The following SLC22A7 variants were observed in gnomAD, a reference collection of about 807,000 sequenced individuals.
The protein encoded by SLC22A7 is solute carrier family 22 member 7.
A neutral mutation model predicts 62.2 loss-of-function variants in SLC22A7; 48 were observed. The ratio of observed to expected loss-of-function variants is 0.77; its 90% confidence interval spans 0.61 to 0.98. The LOEUF (loss-of-function observed/expected upper bound fraction) is 0.98, where lower values mean the gene tolerates loss of function less well. SLC22A7 is among the 50% of genes least tolerant of loss of function. The pLI, the probability that SLC22A7 is intolerant of heterozygous loss-of-function variation, is 0.00. For missense variants in SLC22A7, 581 were observed against 703.8 expected, an observed-to-expected ratio of 0.83 and a Z score of 1.97; for synonymous variants, 276 against 314.8, an observed-to-expected ratio of 0.88 and a Z score of 1.30.
At position 43,304,948 on chromosome 6, in the gene SLC22A7, G is replaced by A; in HGVS notation, c.*223G>A. On this transcript the variant is annotated 3_prime_UTR_variant, in exon 11 of 11. Coordinates refer to ENST00000372585, the MANE Select transcript of SLC22A7 (RefSeq NM_153320.2). ...CTGCTGGGCACCCCTCTCACGGTTG[G>A]GGAGGATTCTGTAAATAAAGGTGCC... 4.8e-6 allele frequency: 2 copies of A among 416,854 alleles called. No homozygotes were observed. Among genetic ancestry groups the A allele is most frequent in the Non-Finnish European group, 8.5e-6 (2 of 235,366 alleles). The allele number at this position is 416,854 out of a possible 1,614,324, so 25.8% of individuals were successfully genotyped here.
intron 10 of SLC22A7, 34 bp downstream of exon 10, chr6:43,304,278 A>G: frequency 2.1e-6 from 3 of 1,451,572 alleles, no homozygotes; most frequent in Non-Finnish European, 2.7e-6. Context: ...TGTACGTGTG[A>G]TAACATGCAT....
At chr6:43,301,488 TG>T (rs1778745762) in intron 6 of SLC22A7, 94 bp from the exon 7 acceptor site, 1 of 1,095,272 alleles carries the variant, frequency 9.1e-7, no homozygotes. Context: ...CCACTGCAGA[TG>T]GGAGGAATAG....
upstream of SLC22A7, among the ~76,000 whole-genome samples, chr6:43,297,374 C>T (rs1352343173): frequency 6.6e-6 from 1 of 152,172 alleles, no homozygotes; most frequent in Admixed American, 6.5e-5. Flanking sequence ...GGTCTGCCAG[C>T]TAAGTGTTTG....
Position 43,299,478 on chromosome 6 carries a change from G to T in SLC22A7, c.488G>T (p.Gly163Val). The T allele has an allele frequency of 6.2e-7, 1 of 1,612,604 alleles. No homozygotes were observed. The highest frequency in any genetic ancestry group is 2.2e-5 in the East Asian group (1 of 44,886). The change falls in exon 3 of 11, where the codon GGA (glycine) becomes GTA (valine). Residue 163 changes from glycine to valine, a missense_variant. By Grantham distance (109) the Gly-to-Val change is moderately radical (BLOSUM62 -3). Coordinates refer to ENST00000372585, the MANE Select transcript of SLC22A7 (RefSeq NM_153320.2). This position sits in a 1 kb window ranked among gnomAD's most constrained non-coding sequence, Gnocchi z 4.4. Reference sequence around the variant, plus strand: ...GTGCTGGTGGGGGCTGTGGCCTTTGGATATCTGTCCGACAGGTGGGGTGAG... The same window carrying T: ...GTGCTGGTGGGGGCTGTGGCCTTTGTATATCTGTCCGACAGGTGGGGTGAG... ...AGVLVGAVAFGYLSDRFGRRR... is the reference protein window; with the variant it reads ...AGVLVGAVAFVYLSDRFGRRR...
intron 9 of SLC22A7, among the ~76,000 whole-genome samples, chr6:43,303,525 G>T (rs1261659703): frequency 7.2e-5 from 11 of 151,962 alleles, no homozygotes; most frequent in Admixed American, 5.2e-4. Context: ...GCCCCAAGAA[G>T]CCCCATCCTG....
chr6:43,298,848 C>T (rs985415218), intron 1 of SLC22A7, 97 bp downstream of exon 1: 5 of 1,477,412 alleles, frequency 3.4e-6, no homozygotes, highest in Non-Finnish European at 9.1e-7. Context: ...TACTTTACCT[C>T]TTAAAGTCTC....
intron 9 of SLC22A7, chr6:43,303,232 G>A (rs976988344): frequency 1.0e-5 from 9 of 878,942 alleles, no homozygotes; most frequent in Admixed American, 1.2e-4. Flanking sequence ...AGGCCAAGGC[G>A]GGCGGATCAC....
intron 6 of SLC22A7, 80 bp from the exon 7 acceptor site, chr6:43,301,503 G>C: frequency 8.4e-7 from 1 of 1,189,530 alleles, no homozygotes; most frequent in Non-Finnish European, 1.2e-6. Context: ...GGAATAGAGA[G>C]GGGTGGGGGG....
At position 43,304,116 on chromosome 6, in the gene SLC22A7, A is replaced by G; in HGVS notation, c.1464A>G (p.Gly488=). 1 of 1,606,698 alleles carries G rather than the reference A, an allele frequency of 6.2e-7. No individual in the cohort carries two copies. Among genetic ancestry groups the G allele is most frequent in the Non-Finnish European group, 8.5e-7 (1 of 1,175,746 alleles). The change falls in exon 10 of 11, where the codon GGA becomes GGG. Residue 488 remains glycine (G), a synonymous_variant. Coordinates refer to ENST00000372585, the MANE Select transcript of SLC22A7 (RefSeq NM_153320.2). ...CCCCACTGGCGGCCTTGCTGGATGG[A>G]GTGTGGCTGTCACTGCCCAAGCTTA... is the stretch of plus-strand genomic sequence containing the variant. ...SLAPLAALLD[G]VWLSLPKLTY...
intron 10 of SLC22A7, 29 bp downstream of exon 10, chr6:43,304,273 G>C (rs200073758): frequency 2.9e-5 from 42 of 1,466,178 alleles, no homozygotes; most frequent in Admixed American, 4.6e-5. Flanking sequence ...GTCTGTGTAC[G>C]TGTGATAACA....
chr6:43,301,520 C>A, intron 6 of SLC22A7, 63 bp from the exon 7 acceptor site: 1 of 1,303,658 alleles, frequency 7.7e-7, no homozygotes, highest in Non-Finnish European at 1.1e-6. Context: ...GGGGAGAGTA[C>A]TGTGTCCCAT....
chr6:43,304,407 T>C (rs575249284), intron 10 of SLC22A7, 163 bp downstream of exon 10: 89 of 647,092 alleles, frequency 1.4e-4, no homozygotes, highest in African/African-American at 1.2e-3. Flanking sequence ...GGGTGCATGA[T>C]TGGGGGCATG....
Position 43,304,331 on chromosome 6 carries a change from C to G in SLC22A7, c.1592+87C>G, listed in dbSNP as rs1778865830. ...GATACCTGACACCTTAGGATTCAGA[C>G]AGGAAACTATATCTGCACATGTGTA... On this transcript the variant is annotated intron_variant, in intron 10 of 10. Transcript: ENST00000372585. 6.8e-6 allele frequency: 8 copies of G among 1,170,300 alleles called. No homozygotes were observed. The East Asian group carries it at 2.1e-4, about 30-fold the overall frequency. 72.5% of individuals were successfully genotyped at this position (1,170,300 alleles called of 1,614,324 possible). A position where few individuals can be genotyped will look rare whatever the true frequency, so the allele number is the denominator to read the frequency against.
chr6:43,301,279 G>T (rs1311236378), intron 6 of SLC22A7, 21 bp downstream of exon 6: 7 of 1,613,748 alleles, frequency 4.3e-6, no homozygotes, highest in Non-Finnish European at 5.9e-6. Context: ...ACGTGTGTGT[G>T]AGCATGCATA....
chr6:43,298,272 A>G lies in SLC22A7; in HGVS notation c.-87A>G, dbSNP rs1778602699. 10 of 1,193,158 alleles carry G rather than the reference A, an allele frequency of 8.4e-6. No homozygotes were observed. The highest frequency in any genetic ancestry group is 9.4e-6 in the Non-Finnish European group (8 of 852,260). The allele number at this position is 1,193,158 out of a possible 1,614,324, so 73.9% of individuals were successfully genotyped here. ...CTCCAGTCCATCCACTCCCACCTCCAGAGTCCAAGGGTCTATGTGGTGGGC... is the reference window on the plus strand; with the variant it reads ...CTCCAGTCCATCCACTCCCACCTCCGGAGTCCAAGGGTCTATGTGGTGGGC... On this transcript the variant is annotated 5_prime_UTR_variant, in exon 1 of 11. Coordinates refer to ENST00000372585, the MANE Select transcript of SLC22A7 (RefSeq NM_153320.2).
chr6:43,298,889 ATATAAGGCACTTTTAG>A, intron 1 of SLC22A7, 138 bp downstream of exon 1: 2 of 1,312,730 alleles, frequency 1.5e-6, no homozygotes, highest in Non-Finnish European at 1.0e-6. Context: ...GGGGCTATGA[ATATAAGGCACTTTTAG>A]TTCATGGCTT....
chr6:43,298,628 C>A lies in SLC22A7; in HGVS notation c.270C>A (p.Pro90=). 2 of 1,596,720 alleles carry A rather than the reference C, an allele frequency of 1.3e-6. No homozygotes were observed. ...CLRFAYPQAL[P]NTTLGEERQS... Reference sequence around the variant, plus strand: ...GCTTTGCCTATCCCCAGGCTCTCCCCAACACCACGTTGGGGGAAGAAAGGC... The same window carrying A: ...GCTTTGCCTATCCCCAGGCTCTCCCAAACACCACGTTGGGGGAAGAAAGGC... Residue 90 remains proline (P), a synonymous_variant, in exon 1 of 11, where the codon CCC becomes CCA. Transcript: ENST00000372585.
chr6:43,301,345 T>C (rs1257692255), intron 6 of SLC22A7, 87 bp downstream of exon 6: 5 of 1,570,652 alleles, frequency 3.2e-6, no homozygotes, highest in South Asian at 1.1e-5. Context: ...GAGCCCACCA[T>C]ATATGGCAGG....
Position 43,302,840 on chromosome 6 carries a change from C to T in SLC22A7, c.1385+77C>T. The T allele has an allele frequency of 1.1e-6, 1 of 913,048 alleles. No individual in the cohort carries two copies. Among genetic ancestry groups the T allele is most frequent in the South Asian group, 1.5e-5 (1 of 66,296 alleles). The allele number at this position is 913,048 out of a possible 1,614,324, so 56.6% of individuals were successfully genotyped here. The stretch of plus-strand genomic sequence containing the variant: ...CTTAACCAACACTTCTACATACACG[C>T]ACCACAACCTGGTCTCTCACTCATT... On this transcript the variant is annotated intron_variant, in intron 9 of 10. Coordinates refer to ENST00000372585, the MANE Select transcript of SLC22A7 (RefSeq NM_153320.2). The surrounding 1 kb of genome is among the most constrained non-coding windows in gnomAD (Gnocchi z 5.0).
Sources: gnomAD v4.1 joint callset for allele counts (sites outside exome capture counted in the v4.1 genomes callset) on GRCh38, gnomAD v4.1.1 for gene constraint, Gnocchi (gnomAD v3.1) non-coding constraint, MANE v1.5 for transcripts, NCBI Gene and HGNC (gene_info 2026-07-23, HGNC 2026-07-21) for gene names.